TMC7: variants seen among roughly 807,000 people sequenced by gnomAD.
TMC7 encodes the protein transmembrane channel like 7.
In TMC7, 54 loss-of-function variants were observed where a neutral mutation model predicts 82.9. The ratio of observed to expected loss-of-function variants is 0.65; its 90% CI spans 0.52 to 0.82. The LOEUF is 0.82. Ranked by LOEUF, TMC7 falls within the 40% of genes least tolerant of loss-of-function variation. The pLI is 0.00. For synonymous variants in TMC7, 350 were observed against 337.9 expected, an observed-to-expected ratio of 1.04 and a Z score of -0.39; for missense variants, 820 against 901.2, an observed-to-expected ratio of 0.91 and a Z score of 1.15.
intron 5 of TMC7, among the ~76,000 whole-genome samples, chr16:19,024,559 T>C (rs1960133855): frequency 6.6e-6 from 1 of 152,172 alleles, no homozygotes; most frequent in Admixed American, 6.6e-5. Flanking sequence ...TTTTTTTTTA[T>C]TTATTTTTTA....
chr16:18,995,847 G>A (rs187733712), intron 1 of TMC7, among the ~76,000 whole-genome samples: 46 of 152,278 alleles, frequency 3.0e-4, no homozygotes, highest in African/African-American at 1.0e-3. Flanking sequence ...GTCAGGAGTG[G>A]ACTGGGTAAT....
chr16:19,041,311 T>C (rs1334997609), intron 9 of TMC7, among the ~76,000 whole-genome samples: 1 of 152,190 alleles, frequency 6.6e-6, no homozygotes. Context: ...CCTAATTTGC[T>C]AGATTATTTT....
At chr16:19,056,929 A>G (rs1354410741) in intron 14 of TMC7, among the ~76,000 whole-genome samples, 1 of 151,572 alleles carries the variant, frequency 6.6e-6, no homozygotes, top group Non-Finnish European at 1.5e-5. Context: ...GTTCGAGACC[A>G]GCCTGGACAG....
rs756995644 is a variant in TMC7, at chr16:19,030,313, G to T, written c.801G>T (p.Ala267=). 6.2e-7 allele frequency: 1 copy of T among 1,613,722 alleles called. No homozygotes were observed. Among genetic ancestry groups the T allele is most frequent in the Admixed American group, 1.7e-5 (1 of 59,992 alleles). The part of the protein sequence containing the change: ...FQNFTYDLPL[A]YLLSTIASLA... ...ACTTCACCTATGATCTGCCCCTGGCGTATTTGTTAAGCACAATCGCCTCCC... is the reference window on the plus strand; with the variant it reads ...ACTTCACCTATGATCTGCCCCTGGCTTATTTGTTAAGCACAATCGCCTCCC... The change falls in exon 6 of 16, where the codon GCG becomes GCT. Residue 267 remains alanine (A), a synonymous_variant. Transcript: ENST00000304381.
chr16:19,023,330 C>G lies in TMC7; in HGVS notation c.711+135C>G, dbSNP rs1049943808. The G allele has an allele frequency of 2.8e-5, 14 of 505,406 alleles. No individual in the cohort carries two copies. The East Asian group carries it at 4.5e-4, about 16-fold the overall frequency. The allele number at this position is 505,406 out of a possible 1,614,324, so 31.3% of individuals were successfully genotyped here. On this transcript the variant is annotated intron_variant, in intron 5 of 15. Transcript: ENST00000304381. ...TTGACACATGTACCAGTAAATGAAA[C>G]AGGATTTGCAGTTACCTCATCAGAA...
intron 6 of TMC7, 68 bp downstream of exon 6, chr16:19,030,437 C>T: frequency 3.9e-6 from 6 of 1,522,892 alleles, no homozygotes; most frequent in Non-Finnish European, 5.3e-6. Flanking sequence ...GATATGGGAG[C>T]TCTGGAAGCC....
chr16:19,051,552 A>G (rs1961542177), intron 12 of TMC7, 134 bp from the exon 13 acceptor site: 5 of 976,276 alleles, frequency 5.1e-6, no homozygotes, highest in Non-Finnish European at 7.4e-6. Flanking sequence ...TTTCATTTTG[A>G]TCTGTATTGC....
Position 18,983,972 on chromosome 16 carries a change from C to T in TMC7, c.-92C>T. The stretch of plus-strand genomic sequence containing the variant: ...TGATGTCAGCGCCGGAACCTGGAAT[C>T]CCGGCTCCGCGAGGGAAGGCCGGGG... On this transcript the variant is annotated 5_prime_UTR_variant, in exon 1 of 16. Transcript: ENST00000304381. The T allele has an allele frequency of 1.5e-6, 2 of 1,290,916 alleles. No homozygotes were observed. Among genetic ancestry groups the T allele is most frequent in the Non-Finnish European group, 2.0e-6 (2 of 1,008,942 alleles). The allele number at this position is 1,290,916 out of a possible 1,614,324, so 80.0% of individuals were successfully genotyped here. A position where few individuals can be genotyped will look rare whatever the true frequency, so the allele number is the denominator to read the frequency against.
chr16:19,039,815 A>C (rs532181168), intron 8 of TMC7, among the ~76,000 whole-genome samples: 1 of 152,054 alleles, frequency 6.6e-6, no homozygotes, highest in South Asian at 2.1e-4. Flanking sequence ...CTTTTTGAAT[A>C]TCTGAAGAAG....
At chr16:19,011,483 G>A (rs1959337389) in intron 2 of TMC7, among the ~76,000 whole-genome samples, 1 of 149,552 alleles carries the variant, frequency 6.7e-6, no homozygotes, top group South Asian at 2.1e-4. Context: ...AGCCTGGACA[G>A]CATAGCAAGA....
At chr16:19,041,036 A>G (rs775565328) in intron 9 of TMC7, among the ~76,000 whole-genome samples, 3 of 151,518 alleles carry the variant, frequency 2.0e-5, no homozygotes, top group Non-Finnish European at 2.9e-5. Context: ...GACTACAGAC[A>G]TGCACCACCA....
chr16:19,039,524 C>T (rs1960913441), intron 8 of TMC7, among the ~76,000 whole-genome samples: 2 of 152,188 alleles, frequency 1.3e-5, no homozygotes, highest in African/African-American at 2.4e-5. Flanking sequence ...ACACTAAAAA[C>T]TTCCACTTAT....
At chr16:18,984,270 C>T in intron 1 of TMC7, 140 bp downstream of exon 1, 5 of 1,337,852 alleles carry the variant, frequency 3.7e-6, no homozygotes, top group Non-Finnish European at 4.8e-6. Context: ...TGGGGAACAG[C>T]AGGTGGGAAG....
intron 1 of TMC7, among the ~76,000 whole-genome samples, chr16:18,988,746 G>A (rs914553493): frequency 5.3e-5 from 8 of 152,122 alleles, no homozygotes; most frequent in African/African-American, 1.2e-4. Flanking sequence ...CTGGAGATAC[G>A]TTGTTAGGAA....
At chr16:19,032,114 C>T (rs950048480) in intron 6 of TMC7, among the ~76,000 whole-genome samples, 1 of 152,168 alleles carries the variant, frequency 6.6e-6, no homozygotes, top group Non-Finnish European at 1.5e-5. Flanking sequence ...CATGGATGGG[C>T]CTCTTTCTTG....
chr16:19,009,744 A>G (rs1450541439), intron 2 of TMC7, among the ~76,000 whole-genome samples: 2 of 151,998 alleles, frequency 1.3e-5, no homozygotes, highest in Middle Eastern at 3.4e-3. Context: ...GTTCGAGACC[A>G]GCCTGGCCAA....
At chr16:19,023,069 A>G in intron 4 of TMC7, 44 bp from the exon 5 acceptor site, 1 of 1,301,708 alleles carries the variant, frequency 7.7e-7, no homozygotes, top group Non-Finnish European at 1.1e-6. Context: ...GGTTATAGAG[A>G]CTAAAACTGT....
At chr16:19,032,337 G>A (rs565163940) in intron 6 of TMC7, among the ~76,000 whole-genome samples, 18 of 152,208 alleles carry the variant, frequency 1.2e-4, no homozygotes, top group Non-Finnish European at 1.3e-4. Context: ...ACTAGTGAGC[G>A]TCCATCCCCC....
intron 2 of TMC7, among the ~76,000 whole-genome samples, chr16:19,010,559 T>C (rs1175402771): frequency 6.6e-6 from 1 of 152,210 alleles, no homozygotes; most frequent in Non-Finnish European, 1.5e-5. Context: ...TGCATACCCC[T>C]AAAGCCTCAT....
Sources: gnomAD v4.1 joint callset for allele counts (sites outside exome capture counted in the v4.1 genomes callset) on GRCh38, gnomAD v4.1.1 for gene constraint, MANE v1.5 for transcripts, NCBI Gene and HGNC (gene_info 2026-07-23, HGNC 2026-07-21) for gene names.